The following PAG1 variants were observed in gnomAD, a reference collection of about 807,000 sequenced individuals.
PAG1 encodes the protein phosphoprotein membrane anchor with glycosphingolipid microdomains 1.
A neutral mutation model predicts 31.7 loss-of-function variants in PAG1; 23 were observed. The observed-to-expected ratio is 0.73, with a 90% CI of 0.52 to 1.03. The LOEUF is 1.03. Among genes scored for constraint, PAG1 ranks in the 50% least tolerant of loss-of-function variants. The probability of loss-of-function intolerance (pLI) is 0.00; values close to 1 mark genes in which losing one functional copy is unlikely to be tolerated. For missense variants in PAG1, 473 were observed against 540.7 expected, an observed-to-expected ratio of 0.87 and a Z score of 1.24; for synonymous variants, 214 against 210.3, an observed-to-expected ratio of 1.02 and a Z score of -0.15.
chr8:81,059,238 T>C (rs1432309660), intron 2 of PAG1, among the ~76,000 whole-genome samples: 1 of 151,710 alleles, frequency 6.6e-6, no homozygotes, highest in East Asian at 1.9e-4. Context: ...TAACAAGAAA[T>C]AAAGTTTGTA....
intron 5 of PAG1, among the ~76,000 whole-genome samples, chr8:80,988,222 C>T (rs907621941): frequency 8.5e-5 from 13 of 152,196 alleles, no homozygotes; most frequent in Admixed American, 2.0e-4. Context: ...AAAAAGACCA[C>T]AGCAGCCTCA....
chr8:80,999,747 T>C (rs1160745231), intron 3 of PAG1, among the ~76,000 whole-genome samples: 2 of 152,178 alleles, frequency 1.3e-5, no homozygotes, highest in Non-Finnish European at 2.9e-5. Context: ...ACAGAAATAA[T>C]ATAGTTTATT....
intron 2 of PAG1, among the ~76,000 whole-genome samples, chr8:81,043,969 T>C (rs1808598901): frequency 6.6e-6 from 1 of 152,224 alleles, no homozygotes; most frequent in African/African-American, 2.4e-5. Context: ...CTTTTTCTTC[T>C]TCTTTTTAAA....
chr8:81,090,751 C>T (rs923287712), intron 1 of PAG1, among the ~76,000 whole-genome samples: 1 of 152,200 alleles, frequency 6.6e-6, no homozygotes, highest in African/African-American at 2.4e-5. Flanking sequence ...ACGTGAGGAA[C>T]TCTGAGTTAT....
intron 2 of PAG1, among the ~76,000 whole-genome samples, chr8:81,034,006 C>T (rs904416246): frequency 7.9e-5 from 12 of 152,236 alleles, no homozygotes; most frequent in African/African-American, 2.2e-4. Flanking sequence ...TAGACTTCAG[C>T]AATCTACTCC....
rs1379345217 is a variant in PAG1, at chr8:80,969,971, C to G, written c.*6573G>C. 2 of 152,206 alleles carry G rather than the reference C, an allele frequency of 1.3e-5. No homozygotes were observed. The highest frequency in any genetic ancestry group is 2.9e-5 in the Non-Finnish European group (2 of 68,042). 9.4% of individuals were successfully genotyped at this position (152,206 alleles called of 1,614,324 possible). ...CTACCTTTGCATGCTGAAGCACTCA[C>G]AGTTTTCTTAGGTCCTGGGGGATCA... is the stretch of plus-strand genomic sequence containing the variant. On this transcript the variant is annotated 3_prime_UTR_variant, in exon 9 of 9. Coordinates refer to ENST00000220597, the MANE Select transcript of PAG1 (RefSeq NM_018440.4).
intron 2 of PAG1, among the ~76,000 whole-genome samples, chr8:81,033,311 C>A (rs983856265): frequency 5.3e-5 from 8 of 152,180 alleles, no homozygotes; most frequent in African/African-American, 1.9e-4. Flanking sequence ...ACTATCATGC[C>A]CTGACTGGGA....
chr8:81,085,982 T>TG (rs1809346916), intron 1 of PAG1, among the ~76,000 whole-genome samples: 1 of 122,530 alleles, frequency 8.2e-6, no homozygotes, highest in Non-Finnish European at 1.7e-5. Flanking sequence ...GTTTTTTTTT[T>TG]TTTTTTTTTT....
chr8:81,018,425 G>A (rs1163029373), intron 3 of PAG1, among the ~76,000 whole-genome samples: 1 of 152,170 alleles, frequency 6.6e-6, no homozygotes, highest in East Asian at 1.9e-4. Context: ...TGCTTTCCTA[G>A]TACATAAGTG....
intron 1 of PAG1, among the ~76,000 whole-genome samples, chr8:81,097,685 G>A (rs906856217): frequency 6.7e-6 from 1 of 149,460 alleles, no homozygotes; most frequent in Non-Finnish European, 1.5e-5. Flanking sequence ...GATTTTGGTG[G>A]CACAGTTGAA....
At chr8:81,070,517 A>G (rs1809074723) in intron 1 of PAG1, among the ~76,000 whole-genome samples, 1 of 152,170 alleles carries the variant, frequency 6.6e-6, no homozygotes, top group Non-Finnish European at 1.5e-5. Context: ...CCCACCAATG[A>G]TAACAGTAAC....
At chr8:81,061,199 C>T (rs376106428) in intron 2 of PAG1, among the ~76,000 whole-genome samples, 21 of 152,066 alleles carry the variant, frequency 1.4e-4, no homozygotes, top group Middle Eastern at 3.2e-3. Flanking sequence ...GCATTACTCA[C>T]GGGGGTAAAT....
intron 1 of PAG1, among the ~76,000 whole-genome samples, chr8:81,082,604 T>C (rs1809287584): frequency 6.6e-6 from 1 of 152,184 alleles, no homozygotes; most frequent in Non-Finnish European, 1.5e-5. Context: ...TATTCTATTT[T>C]CTCTCTAGTG....
rs1447935480 is a variant in PAG1, at chr8:80,972,696, C to T, written c.*3848G>A. 2 of 152,046 alleles carry T rather than the reference C, an allele frequency of 1.3e-5. No individual in the cohort carries two copies. The highest frequency in any genetic ancestry group is 1.3e-4 in the Admixed American group (2 of 15,270). The allele number at this position is 152,046 out of a possible 1,614,324, so 9.4% of individuals were successfully genotyped here. ...TCTTAAAATACCACTGTTTTTCAGC[C>T]AAGAGAATTACGGATGCAATTTAAA... On this transcript the variant is annotated 3_prime_UTR_variant, in exon 9 of 9. Coordinates refer to ENST00000220597, the MANE Select transcript of PAG1 (RefSeq NM_018440.4).
chr8:80,991,858 CT>C (rs11303470), intron 4 of PAG1, among the ~76,000 whole-genome samples: 13,005 of 138,608 alleles, frequency 0.094, 1,716 homozygotes, highest in African/African-American at 0.31. Flanking sequence ...TAAGTTATAC[CT>C]TTTTTTTTTT....
intron 3 of PAG1, among the ~76,000 whole-genome samples, chr8:81,024,545 A>G (rs1219117000): frequency 6.6e-6 from 1 of 152,218 alleles, no homozygotes. Flanking sequence ...CACAAGACCT[A>G]TGAAGTGTAT....
At position 81,057,492 on chromosome 8, in the gene PAG1, T is replaced by C. The variant is rs1312213108; in HGVS notation, c.-175+12620A>G. 3.4e-5 allele frequency among the ~76,000 whole-genome samples: 5 copies of C among 147,514 alleles called. No individual in the cohort carries two copies. In the Admixed American group the frequency reaches 3.4e-4, roughly 10 times the overall value. Reference sequence around the variant, plus strand: ...AGGACAAAAAACCAAACACCACATGTTCTCATAGGTGGGAATTGAACAATG... The same window carrying C: ...AGGACAAAAAACCAAACACCACATGCTCTCATAGGTGGGAATTGAACAATG... On this transcript the variant is annotated intron_variant, in intron 2 of 8. Coordinates refer to ENST00000220597, the MANE Select transcript of PAG1 (RefSeq NM_018440.4).
At chr8:81,060,644 CT>C (rs1456845487) in intron 2 of PAG1, among the ~76,000 whole-genome samples, 5 of 152,148 alleles carry the variant, frequency 3.3e-5, no homozygotes. Flanking sequence ...ACTGCCTTTG[CT>C]CTGTTAATGG....
chr8:81,011,527 ATGTCT>A (rs1466549316), intron 3 of PAG1, among the ~76,000 whole-genome samples: 1 of 152,132 alleles, frequency 6.6e-6, no homozygotes, highest in African/African-American at 2.4e-5. Flanking sequence ...AGTCTCAGGT[ATGTCT>A]TTATCAGCAG....
Sources: allele counts gnomAD v4.1 joint callset (sites outside exome capture counted in the v4.1 genomes callset), GRCh38; gene constraint gnomAD v4.1.1; transcripts MANE v1.5; gene names NCBI Gene and HGNC (gene_info 2026-07-23, HGNC 2026-07-21).